Variants in RASAL2 observed in about 807,000 individuals in gnomAD.
RASAL2 encodes ras GTPase-activating protein nGAP.
A neutral mutation model predicts 128.9 loss-of-function variants in RASAL2; 58 were observed. That is an observed-to-expected ratio of 0.45 (90% confidence interval 0.36 to 0.56). The LOEUF is 0.56. RASAL2 is among the 20% of genes least tolerant of loss of function. The probability of loss-of-function intolerance (pLI) is 0.00; values close to 1 mark genes in which losing one functional copy is unlikely to be tolerated. For missense variants in RASAL2, 1,360 were observed against 1,601.6 expected, an observed-to-expected ratio of 0.85 and a Z score of 2.57; for synonymous variants, 561 against 580.8, an observed-to-expected ratio of 0.97 and a Z score of 0.49.
chr1:178,302,654 C>T (rs1410467360), intron 3 of RASAL2, among the ~76,000 whole-genome samples: 1 of 152,142 alleles, frequency 6.6e-6, no homozygotes, highest in Non-Finnish European at 1.5e-5. Context: ...CAAGTTGATT[C>T]TAAAATTCAT....
chr1:178,456,695 A>G (rs549565511), intron 12 of RASAL2, 26 bp from the exon 13 acceptor site: 47 of 1,613,196 alleles, frequency 2.9e-5, no homozygotes, highest in Admixed American at 5.0e-5. Context: ...TTATTATCCA[A>G]TTAGGGTGAA....
At chr1:178,171,299 G>C (rs116791295) in intron 1 of RASAL2, among the ~76,000 whole-genome samples, 2 of 151,970 alleles carry the variant, frequency 1.3e-5, no homozygotes, top group African/African-American at 2.4e-5. Context: ...TTTTCAGAAA[G>C]AGACACCAGT....
intron 3 of RASAL2, among the ~76,000 whole-genome samples, chr1:178,332,010 A>G (rs946884650): frequency 7.2e-5 from 11 of 152,190 alleles, no homozygotes; most frequent in Admixed American, 1.3e-4. Flanking sequence ...GCATTATTCA[A>G]TTGATTATAT....
intron 1 of RASAL2, among the ~76,000 whole-genome samples, chr1:178,198,797 T>C (rs1162900184): frequency 6.6e-6 from 1 of 152,210 alleles, no homozygotes. Flanking sequence ...GGGTGCAATC[T>C]GTCCATTCCC....
Position 178,226,865 on chromosome 1 carries a change from G to A in RASAL2, c.203-56699G>A, listed in dbSNP as rs529339804. Among the ~76,000 whole-genome samples, 178 of 152,184 alleles carry A rather than the reference G, an allele frequency of 1.2e-3. 1 individual carries two copies. The highest frequency in any genetic ancestry group is 3.9e-3 in the African/African-American group (162 of 41,532). ...TGAGGCAGGAGAATCACTTGAACCC[G>A]GGAGGTGGAGGTTGCAGTGAGCCAA... On this transcript the variant is annotated intron_variant, in intron 1 of 17. Coordinates refer to ENST00000367649, the MANE Select transcript of RASAL2 (RefSeq NM_170692.4).
chr1:178,377,076 A>G (rs1210861698), intron 3 of RASAL2, among the ~76,000 whole-genome samples: 1 of 152,146 alleles, frequency 6.6e-6, no homozygotes, highest in Admixed American at 6.5e-5. Context: ...AAATGATTTC[A>G]TTTTACTTCA....
chr1:178,461,473 A>AT (rs1017747119), intron 14 of RASAL2, among the ~76,000 whole-genome samples: 2 of 152,060 alleles, frequency 1.3e-5, no homozygotes, highest in African/African-American at 2.4e-5. Flanking sequence ...AACTCTCTTA[A>AT]TTTTTTAACC....
intron 1 of RASAL2, among the ~76,000 whole-genome samples, chr1:178,111,045 C>G (rs918288221): frequency 1.3e-5 from 2 of 152,016 alleles, no homozygotes; most frequent in African/African-American, 4.8e-5. Context: ...ATGATATATA[C>G]TAATTTTTTG....
At chr1:178,151,230 A>T (rs1386092193) in intron 1 of RASAL2, among the ~76,000 whole-genome samples, 2 of 152,068 alleles carry the variant, frequency 1.3e-5, no homozygotes, top group African/African-American at 2.4e-5. Flanking sequence ...ACATGGTGAA[A>T]CCCTGTCTCT....
At chr1:178,301,181 A>G (rs1319367198) in intron 3 of RASAL2, among the ~76,000 whole-genome samples, 1 of 152,124 alleles carries the variant, frequency 6.6e-6, no homozygotes, top group Non-Finnish European at 1.5e-5. Flanking sequence ...TGAGTTAGCA[A>G]GTACTTTTTT....
At chr1:178,156,200 G>A (rs1291045467) in intron 1 of RASAL2, among the ~76,000 whole-genome samples, 2 of 152,110 alleles carry the variant, frequency 1.3e-5, no homozygotes, top group African/African-American at 4.8e-5. Flanking sequence ...CTCAGTATTT[G>A]CTGCTGAAAG....
intron 2 of RASAL2, among the ~76,000 whole-genome samples, chr1:178,287,869 T>C (rs1308764940): frequency 6.6e-6 from 1 of 152,060 alleles, no homozygotes; most frequent in Non-Finnish European, 1.5e-5. Context: ...AGACTGCATA[T>C]TGGGTACCAT....
In RASAL2 at chr1:178,250,656, C is replaced by T. The variant is rs540187658; in HGVS notation, c.203-32908C>T. Among the ~76,000 whole-genome samples, 26 of 152,286 alleles carry T rather than the reference C, an allele frequency of 1.7e-4. No homozygotes were observed. The Middle Eastern group carries it at 0.01, about 60-fold the overall frequency. ...AATCACCCGCCTTCTGCGTTGGTCTCGCTGGGAGCTGCATACCAGAGCTGT... is the reference window on the plus strand; with the variant it reads ...AATCACCCGCCTTCTGCGTTGGTCTTGCTGGGAGCTGCATACCAGAGCTGT... On this transcript the variant is annotated intron_variant, in intron 1 of 17. Coordinates refer to ENST00000367649, the MANE Select transcript of RASAL2 (RefSeq NM_170692.4).
chr1:178,201,632 A>G (rs577036446), intron 1 of RASAL2, among the ~76,000 whole-genome samples: 1 of 152,334 alleles, frequency 6.6e-6, no homozygotes, highest in African/African-American at 2.4e-5. Flanking sequence ...GGTGGCACTC[A>G]ACTGTCAAAA....
At chr1:178,366,579 T>TCCCCCC (rs1349184536) in intron 3 of RASAL2, among the ~76,000 whole-genome samples, 14 of 31,110 alleles carry the variant, frequency 4.5e-4, no homozygotes, top group South Asian at 1.6e-3. Flanking sequence ...ACTTGGTACC[T>TCCCCCC]CCCACCCCCC....
At chr1:178,288,149 A>G (rs2102230151) in intron 2 of RASAL2, among the ~76,000 whole-genome samples, 1 of 152,326 alleles carries the variant, frequency 6.6e-6, no homozygotes, top group East Asian at 1.9e-4. Context: ...GTACAAACCC[A>G]CTGATCACAC....
chr1:178,190,577 C>T (rs967293158), intron 1 of RASAL2, among the ~76,000 whole-genome samples: 1 of 152,142 alleles, frequency 6.6e-6, no homozygotes, highest in African/African-American at 2.4e-5. Context: ...AGGAAGGAAT[C>T]TATCTAGCTA....
chr1:178,302,676 A>G (rs553689710), intron 3 of RASAL2, among the ~76,000 whole-genome samples: 6 of 152,342 alleles, frequency 3.9e-5, no homozygotes, highest in South Asian at 2.1e-4. Flanking sequence ...TCGAAATGCC[A>G]TAGACCAAGT....
Position 178,231,609 on chromosome 1 carries a change from C to G in RASAL2, c.203-51955C>G, listed in dbSNP as rs147742107. Among the ~76,000 whole-genome samples the G allele has an allele frequency of 6.7e-3, 1,018 of 152,114 alleles. 10 individuals are homozygous for G. The highest frequency in any genetic ancestry group is 0.022 in the African/African-American group (895 of 41,504). The stretch of plus-strand genomic sequence containing the variant: ...GTGTCCTAAGAAATCTTTGCCTACC[C>G]TCAGGTCACAAAAATACTCACTCAC... On this transcript the variant is annotated intron_variant, in intron 1 of 17. Transcript: ENST00000367649.
Sources: allele counts gnomAD v4.1 joint callset (sites outside exome capture counted in the v4.1 genomes callset), GRCh38; gene constraint gnomAD v4.1.1; transcripts MANE v1.5; gene names NCBI Gene and HGNC (gene_info 2026-07-23, HGNC 2026-07-21).